Variants in GSAP observed in about 807,000 individuals in gnomAD.
GSAP encodes the protein gamma-secretase-activating protein.
GSAP carries 118 observed loss-of-function variants against 131.7 expected under a neutral mutation model. The ratio of observed to expected loss-of-function variants is 0.90; its 90% CI spans 0.77 to 1.04. GSAP has a LOEUF of 1.04. Ranked by LOEUF, GSAP falls within the 50% of genes least tolerant of loss-of-function variation. The pLI, the probability that GSAP is intolerant of heterozygous loss-of-function variation, is 0.00. For synonymous variants in GSAP, 381 were observed against 363.4 expected, an observed-to-expected ratio of 1.05 and a Z score of -0.55; for missense variants, 1,019 against 1,013.2, an observed-to-expected ratio of 1.01 and a Z score of -0.08.
intron 5 of GSAP, among the ~76,000 whole-genome samples, chr7:77,387,738 T>C (rs1584668955): frequency 1.3e-5 from 2 of 152,192 alleles, no homozygotes; most frequent in African/African-American, 4.8e-5. Flanking sequence ...CATTTTATTA[T>C]GAAAACCACA....
At chr7:77,313,453 G>A in intron 28 of GSAP, 35 bp downstream of exon 28, 1 of 1,178,362 alleles carries the variant, frequency 8.5e-7, no homozygotes, top group Non-Finnish European at 1.3e-6. Context: ...TAATGCCAAA[G>A]CTTAGGGAGA....
At chr7:77,383,017 C>T (rs1253262205) in intron 6 of GSAP, among the ~76,000 whole-genome samples, 2 of 152,106 alleles carry the variant, frequency 1.3e-5, no homozygotes, top group African/African-American at 2.4e-5. Context: ...AAGACCGCAT[C>T]TCTACAAAAA....
chr7:77,348,938 G>C (rs1792319248), intron 19 of GSAP, among the ~76,000 whole-genome samples: 1 of 150,234 alleles, frequency 6.7e-6, no homozygotes, highest in African/African-American at 2.5e-5. Flanking sequence ...TGGAAATTCT[G>C]TGTGTGTGTG....
intron 5 of GSAP, among the ~76,000 whole-genome samples, chr7:77,391,125 CAAAAAAA>C (rs3083869): frequency 6.1e-5 from 4 of 65,094 alleles, no homozygotes; most frequent in Middle Eastern, 8.5e-3. Flanking sequence ...GGCTCCGTCT[CAAAAAAA>C]AAAAAAAAAA....
intron 26 of GSAP, chr7:77,315,741 T>C (rs901063325): frequency 1.3e-5 from 2 of 152,140 alleles, no homozygotes; most frequent in Non-Finnish European, 2.9e-5. Flanking sequence ...ACAGGGCATA[T>C]TCAGAAAATA....
intron 19 of GSAP, among the ~76,000 whole-genome samples, chr7:77,342,959 G>T (rs1791235680): frequency 6.6e-6 from 1 of 151,978 alleles, no homozygotes; most frequent in Non-Finnish European, 1.5e-5. Context: ...TGACCCCATA[G>T]ATCCTAAATC....
Position 77,386,558 on chromosome 7 carries a change from G to A in GSAP, c.456+802C>T, listed in dbSNP as rs74357981. 2.5e-3 allele frequency among the ~76,000 whole-genome samples: 384 copies of A among 152,292 alleles called. 18 individuals are homozygous for A. In the East Asian group the frequency reaches 0.069, roughly 27 times the overall value. Reference sequence around the variant, plus strand: ...CCTTAACCTCATGGCCAACAGCATAGTAACTCATGCCTGAATGAAGCTTAT... The same window carrying A: ...CCTTAACCTCATGGCCAACAGCATAATAACTCATGCCTGAATGAAGCTTAT... On this transcript the variant is annotated intron_variant, in intron 6 of 30. Coordinates refer to ENST00000257626, the MANE Select transcript of GSAP (RefSeq NM_017439.4).
chr7:77,311,478 A>G (rs1317954878), intron 30 of GSAP, 29 bp from the exon 31 acceptor site: 9 of 1,211,940 alleles, frequency 7.4e-6, no homozygotes, highest in Non-Finnish European at 9.8e-6. Flanking sequence ...AGGGCAGGGA[A>G]AAAGGGTTAC....
chr7:77,365,565 A>G (rs1468885952), intron 12 of GSAP, among the ~76,000 whole-genome samples: 5 of 152,102 alleles, frequency 3.3e-5, no homozygotes, highest in African/African-American at 7.2e-5. Context: ...ACATGATCTC[A>G]TTCTTTTTTA....
chr7:77,412,985 CTG>C (rs1256655383), intron 1 of GSAP, among the ~76,000 whole-genome samples: 2 of 152,130 alleles, frequency 1.3e-5, no homozygotes, highest in East Asian at 3.8e-4. Flanking sequence ...AAACATATGC[CTG>C]TGTGCACCAG....
At chr7:77,377,446 A>G in intron 8 of GSAP, 56 bp from the exon 9 acceptor site, 1 of 1,481,780 alleles carries the variant, frequency 6.7e-7, no homozygotes, top group East Asian at 2.3e-5. Context: ...TTAAAGGAGA[A>G]CATATCTGGA....
intron 12 of GSAP, among the ~76,000 whole-genome samples, chr7:77,366,025 G>C (rs1485106808): frequency 6.7e-6 from 1 of 149,150 alleles, no homozygotes; most frequent in Non-Finnish European, 1.5e-5. Flanking sequence ...TCACATGCTT[G>C]CTGGCCACAT....
chr7:77,382,595 A>T lies in GSAP; in HGVS notation c.505T>A (p.Leu169Ile). 3 of 1,566,736 alleles carry T rather than the reference A, an allele frequency of 1.9e-6. No individual in the cohort carries two copies. The highest frequency in any genetic ancestry group is 2.6e-6 in the Non-Finnish European group (3 of 1,136,968). ...ESHPLPENHL[L>I]LISEEKYIEQ... ...TTACATTTCTCTTCTGAAATCAGTAACAGATGGTTCTCTGGAAGAGGATGA... is the reference window on the plus strand; with the variant it reads ...TTACATTTCTCTTCTGAAATCAGTATCAGATGGTTCTCTGGAAGAGGATGA... Residue 169 changes from leucine (L) to isoleucine (I), a missense_variant, in exon 7 of 31, where the codon TTA (leucine) becomes ATA (isoleucine). Coordinates refer to ENST00000257626, the MANE Select transcript of GSAP (RefSeq NM_017439.4).
intron 19 of GSAP, among the ~76,000 whole-genome samples, chr7:77,340,015 TGAA>T (rs1443510355): frequency 6.6e-6 from 1 of 152,152 alleles, no homozygotes; most frequent in African/African-American, 2.4e-5. Flanking sequence ...CTGAAGGAAG[TGAA>T]GAATCACAAA....
At chr7:77,408,165 T>G (rs542843593) in intron 1 of GSAP, among the ~76,000 whole-genome samples, 1 of 152,330 alleles carries the variant, frequency 6.6e-6, no homozygotes, top group South Asian at 2.1e-4. Flanking sequence ...TGGTGAAAAT[T>G]AACTAAGCTG....
chr7:77,329,572 G>T (rs1317218898), intron 20 of GSAP, 181 bp from the exon 21 acceptor site: 1 of 386,554 alleles, frequency 2.6e-6, no homozygotes, highest in Non-Finnish European at 4.7e-6. Context: ...AACAATTACA[G>T]ATTCACAGGA....
At chr7:77,395,819 G>A (rs1405053566) in intron 5 of GSAP, among the ~76,000 whole-genome samples, 1 of 152,168 alleles carries the variant, frequency 6.6e-6, no homozygotes, top group Non-Finnish European at 1.5e-5. Flanking sequence ...ATCTGAGTGG[G>A]AACTATGCTA....
chr7:77,409,034 A>C (rs1271750390), intron 1 of GSAP, among the ~76,000 whole-genome samples: 1 of 152,154 alleles, frequency 6.6e-6, no homozygotes, highest in East Asian at 1.9e-4. Flanking sequence ...TGGGTCTCCT[A>C]GGGGCAGGGC....
chr7:77,396,679 CTA>C (rs1800450501), intron 5 of GSAP, among the ~76,000 whole-genome samples: 1 of 152,046 alleles, frequency 6.6e-6, no homozygotes, highest in Non-Finnish European at 1.5e-5. Context: ...TTGACTTTCC[CTA>C]TCTTTTATAC....
Sources: gnomAD v4.1 joint callset for allele counts (sites outside exome capture counted in the v4.1 genomes callset) on GRCh38, gnomAD v4.1.1 for gene constraint, MANE v1.5 for transcripts, NCBI Gene and HGNC (gene_info 2026-07-23, HGNC 2026-07-21) for gene names.